Variants in STAB2 observed in about 807,000 individuals in gnomAD.
The protein encoded by STAB2 is stabilin-2.
In STAB2, 288 loss-of-function variants were observed where a neutral mutation model predicts 338.1. The ratio of observed to expected loss-of-function variants is 0.85; its 90% CI spans 0.77 to 0.94. STAB2 has a LOEUF of 0.94. Among genes scored for constraint, STAB2 ranks in the 40% least tolerant of loss-of-function variants. The pLI is 0.00. For missense variants in STAB2, 3,141 were observed against 3,210.1 expected (o/e 0.98, Z 0.52); for synonymous variants, 1,202 against 1,193.3 (o/e 1.01, Z -0.15).
chr12:103,620,752 G>A (rs7135923), intron 4 of STAB2, among the ~76,000 whole-genome samples, 199 bp downstream of exon 4: 3,427 of 152,182 alleles, frequency 0.023, 123 homozygotes, highest in African/African-American at 0.075. Flanking sequence ...ATAGCCTGGG[G>A]GCCTTTAGGA....
At chr12:103,757,148 G>T (rs1884192595) in intron 63 of STAB2, among the ~76,000 whole-genome samples, 1 of 151,232 alleles carries the variant, frequency 6.6e-6, no homozygotes, top group Non-Finnish European at 1.5e-5. Context: ...GAGTACAGTG[G>T]CATGATCTCG....
At chr12:103,687,653 T>A (rs1029779952) in intron 27 of STAB2, among the ~76,000 whole-genome samples, 2 of 152,190 alleles carry the variant, frequency 1.3e-5, no homozygotes, top group Non-Finnish European at 2.9e-5. Flanking sequence ...AAACTGTGAG[T>A]TGGAGCTTTT....
intron 65 of STAB2, among the ~76,000 whole-genome samples, chr12:103,760,134 TTC>T (rs959192188): frequency 3.9e-5 from 6 of 152,188 alleles, no homozygotes; most frequent in African/African-American, 1.4e-4. Context: ...AAGGGGCACT[TTC>T]TCATGGGAAA....
chr12:103,762,077 CTT>C (rs1350346934), intron 66 of STAB2, among the ~76,000 whole-genome samples, 195 bp from the exon 67 acceptor site: 1 of 152,204 alleles, frequency 6.6e-6, no homozygotes, highest in African/African-American at 2.4e-5. Context: ...CTCCCTATCT[CTT>C]TGGGTTATTA....
In STAB2 at chr12:103,731,589, C is replaced by G; in HGVS notation, c.5237C>G (p.Thr1746Ser). The G allele has an allele frequency of 6.2e-7, 1 of 1,613,740 alleles. No individual in the cohort carries two copies. The highest frequency in any genetic ancestry group is 8.5e-7 in the Non-Finnish European group (1 of 1,179,906). Residue 1746 changes from threonine (T) to serine (S), a missense_variant, in exon 50 of 69, where the codon ACT becomes AGT. Physicochemically the swap from Thr to Ser is moderately conservative, Grantham distance 58 (BLOSUM62 1). Coordinates refer to ENST00000388887, the MANE Select transcript of STAB2 (RefSeq NM_017564.10). The stretch of plus-strand genomic sequence containing the variant: ...TTATCTTTGCAGCAAAATCTTACGA[C>G]TTTGGCAACAAACAATGGCTACATC... ...NSGRILQNLT[T>S]LATNNGYIKF... is the part of the protein sequence containing the mutation.
chr12:103,655,421 G>T, intron 14 of STAB2, 35 bp from the exon 15 acceptor site: 1 of 1,612,602 alleles, frequency 6.2e-7, no homozygotes, highest in South Asian at 1.1e-5. Context: ...GTCCAAGGTA[G>T]GCTGCAGATA....
At chr12:103,700,661 CT>C (rs1878783527) in intron 34 of STAB2, among the ~76,000 whole-genome samples, 1 of 152,114 alleles carries the variant, frequency 6.6e-6, no homozygotes, top group Non-Finnish European at 1.5e-5. Context: ...TGTTTGTCAC[CT>C]TTTATTTCAT....
intron 4 of STAB2, among the ~76,000 whole-genome samples, chr12:103,620,798 T>G (rs1957288177): frequency 6.6e-6 from 1 of 152,174 alleles, no homozygotes; most frequent in Non-Finnish European, 1.5e-5. Context: ...GCATATCCAC[T>G]TGTAAAAATG....
At position 103,631,564 on chromosome 12, in the gene STAB2, C is replaced by T. The variant is rs762512626; in HGVS notation, c.488-34C>T. On this transcript the variant is annotated intron_variant, in intron 5 of 68. Transcript: ENST00000388887. ...CAGAATGTTTAGCAACAGTCTATGT[C>T]AGGTAATAAAAATCCCCCACTTTCT... The T allele has an allele frequency of 1.8e-5, 28 of 1,583,546 alleles. No homozygotes were observed. The East Asian group carries it at 5.8e-4, about 33-fold the overall frequency.
chr12:103,759,396 G>A, intron 65 of STAB2, 123 bp downstream of exon 65: 1 of 1,390,946 alleles, frequency 7.2e-7, no homozygotes, highest in South Asian at 1.5e-5. Flanking sequence ...CTGCAGATAG[G>A]GGACGGTGTT....
At chr12:103,736,145 A>C (rs750785817) in intron 52 of STAB2, among the ~76,000 whole-genome samples, 8 of 152,194 alleles carry the variant, frequency 5.3e-5, no homozygotes, top group Non-Finnish European at 8.8e-5. Flanking sequence ...CTGTGACTTA[A>C]ATATATAAGG....
chr12:103,729,035 C>G (rs199643381), intron 48 of STAB2, 40 bp downstream of exon 48: 11 of 1,605,934 alleles, frequency 6.8e-6, no homozygotes, highest in Admixed American at 1.7e-5. Flanking sequence ...TCCCCTAGAT[C>G]ATGTCCTTTG....
Position 103,594,435 on chromosome 12 carries a change from G to T in STAB2, c.256G>T (p.Gly86Ter). The change falls in exon 3 of 69, where the codon GGA (glycine) becomes TGA (stop). Residue 86 changes from glycine (G) to a stop codon, truncating the protein, a stop_gained. Transcript: ENST00000388887. LOFTEE classifies it high-confidence loss of function. ...CAGAACATACTCTCTGTCTCTCCCCGGATGCCGCCATATTTGTAGGAAGGA... is the reference window on the plus strand; with the variant it reads ...CAGAACATACTCTCTGTCTCTCCCCTGATGCCGCCATATTTGTAGGAAGGA... ...EVRTYSLSLP[G>*]CRHICRKDYL... The T allele has an allele frequency of 6.2e-7, 1 of 1,613,820 alleles. No homozygotes were observed. Among genetic ancestry groups the T allele is most frequent in the Middle Eastern group, 1.7e-4 (1 of 6,058 alleles).
intron 2 of STAB2, among the ~76,000 whole-genome samples, chr12:103,591,713 G>A (rs1221482369): frequency 1.3e-5 from 2 of 152,294 alleles, no homozygotes; most frequent in East Asian, 3.9e-4. Context: ...GGGGAAAGAT[G>A]AATTGCAGCA....
chr12:103,755,805 G>A (rs1393390177), intron 63 of STAB2, 87 bp downstream of exon 63: 1 of 1,275,344 alleles, frequency 7.8e-7, no homozygotes, highest in Non-Finnish European at 1.1e-6. Context: ...TAAGCTGAAG[G>A]CCACAGTCAC....
intron 3 of STAB2, among the ~76,000 whole-genome samples, chr12:103,605,303 A>G (rs1360670881): frequency 6.6e-6 from 1 of 150,726 alleles, no homozygotes; most frequent in Non-Finnish European, 1.5e-5. Flanking sequence ...ATTTGAATCC[A>G]TTTAAATTTA....
At chr12:103,715,776 C>A (rs372743009) in intron 42 of STAB2, 39 bp from the exon 43 acceptor site, 711 of 1,612,674 alleles carry the variant, frequency 4.4e-4, no homozygotes, top group Non-Finnish European at 5.5e-4. Context: ...GGAAACCAGA[C>A]TGGATTTCCA....
chr12:103,717,748 A>C (rs1245815753), intron 43 of STAB2, 22 bp from the exon 44 acceptor site: 1 of 1,613,818 alleles, frequency 6.2e-7, no homozygotes, highest in East Asian at 2.2e-5. Context: ...AAATGACCCC[A>C]TGTGCTTCTA....
chr12:103,665,578 GCCGTAGGGATGGTA>G (rs1214348685), intron 18 of STAB2, among the ~76,000 whole-genome samples: 1 of 152,196 alleles, frequency 6.6e-6, no homozygotes, highest in Non-Finnish European at 1.5e-5. Flanking sequence ...TCCTTCAGGA[GCCGTAGGGATGGTA>G]CCAAAGCAGA....
Sources: gnomAD v4.1 joint callset for allele counts (sites outside exome capture counted in the v4.1 genomes callset) on GRCh38, gnomAD v4.1.1 for gene constraint, MANE v1.5 for transcripts, NCBI Gene and HGNC (gene_info 2026-07-23, HGNC 2026-07-21) for gene names.